Variants in SUGCT observed in about 807,000 individuals in gnomAD.
The protein encoded by SUGCT is succinyl-CoA:glutarate-CoA transferase.
Under a neutral mutation model 55.0 loss-of-function variants are expected in SUGCT, and 41 were observed. That is an observed-to-expected ratio of 0.74 (90% confidence interval 0.58 to 0.97). The LOEUF (loss-of-function observed/expected upper bound fraction) is 0.97. SUGCT is among the 50% of genes least tolerant of loss of function. The probability of loss-of-function intolerance (pLI) is 0.00; values close to 1 mark genes in which losing one functional copy is unlikely to be tolerated. For missense variants in SUGCT, 568 were observed against 547.8 expected (o/e 1.04, Z -0.37); for synonymous variants, 187 against 200.4 (o/e 0.93, Z 0.56).
intron 9 of SUGCT, among the ~76,000 whole-genome samples, chr7:40,369,785 C>T (rs1256568823): frequency 1.3e-5 from 2 of 152,094 alleles, no homozygotes; most frequent in African/African-American, 2.4e-5. Flanking sequence ...GGAGTCCAAG[C>T]AAAGTTTATT....
intron 9 of SUGCT, among the ~76,000 whole-genome samples, chr7:40,421,128 C>A (rs1164735938): frequency 2.0e-5 from 3 of 152,186 alleles, no homozygotes; most frequent in Non-Finnish European, 2.9e-5. Context: ...TCTGCAAAGT[C>A]TACCTTGTCA....
At chr7:40,369,904 G>C (rs1191191108) in intron 9 of SUGCT, among the ~76,000 whole-genome samples, 1 of 152,178 alleles carries the variant, frequency 6.6e-6, no homozygotes, top group Non-Finnish European at 1.5e-5. Context: ...GCTCTGGCAA[G>C]ATTAGTGAGG....
intron 12 of SUGCT, among the ~76,000 whole-genome samples, chr7:40,604,598 T>A (rs907343655): frequency 6.6e-6 from 1 of 152,120 alleles, no homozygotes; most frequent in East Asian, 1.9e-4. Flanking sequence ...GAGTAGAGAG[T>A]CATTTTCATT....
intron 13 of SUGCT, among the ~76,000 whole-genome samples, chr7:40,851,598 C>T (rs1002845432): frequency 1.6e-4 from 25 of 152,182 alleles, no homozygotes; most frequent in African/African-American, 4.6e-4. Flanking sequence ...CATTATCCTA[C>T]ACCGCTCTAG....
intron 13 of SUGCT, among the ~76,000 whole-genome samples, chr7:40,767,112 G>T (rs150783237): frequency 5.5e-4 from 83 of 152,166 alleles, no homozygotes; most frequent in African/African-American, 1.9e-3. Flanking sequence ...TAAGACTTTT[G>T]AATCTATCTT....
chr7:40,551,096 C>T (rs1261917777), intron 12 of SUGCT, among the ~76,000 whole-genome samples: 1 of 152,138 alleles, frequency 6.6e-6, no homozygotes, highest in Admixed American at 6.5e-5. Flanking sequence ...TTCTCAGGCC[C>T]TCTGTATTCA....
chr7:40,183,063 G>A (rs1189404770), intron 3 of SUGCT, among the ~76,000 whole-genome samples: 3 of 152,062 alleles, frequency 2.0e-5, no homozygotes, highest in African/African-American at 7.2e-5. Flanking sequence ...ACCTGAATTC[G>A]GCAGTTCGAG....
At chr7:40,295,183 T>C (rs927714060) in intron 8 of SUGCT, among the ~76,000 whole-genome samples, 1 of 152,176 alleles carries the variant, frequency 6.6e-6, no homozygotes, top group South Asian at 2.1e-4. Context: ...ATGATACAAA[T>C]GTATAATTTA....
At chr7:40,492,215 A>G (rs1398613977) in intron 11 of SUGCT, among the ~76,000 whole-genome samples, 5 of 152,134 alleles carry the variant, frequency 3.3e-5, no homozygotes, top group Admixed American at 3.3e-4. Flanking sequence ...CTCGGGAGTG[A>G]TGGTGGATTG....
chr7:40,390,816 A>G (rs370505364), intron 9 of SUGCT, among the ~76,000 whole-genome samples: 3 of 152,196 alleles, frequency 2.0e-5, no homozygotes, highest in Admixed American at 2.0e-4. Context: ...AAAAGAGCCC[A>G]CATTGCCAAG....
chr7:40,259,279 G>A (rs4296945), intron 7 of SUGCT, among the ~76,000 whole-genome samples: 120,610 of 152,064 alleles, frequency 0.79, 48,139 homozygotes, highest in East Asian at 0.97. Context: ...TTGACCCTTG[G>A]ATAACATGAA....
chr7:40,410,766 G>C (rs572699296), intron 9 of SUGCT, among the ~76,000 whole-genome samples: 3 of 152,220 alleles, frequency 2.0e-5, no homozygotes, highest in African/African-American at 7.2e-5. Flanking sequence ...AAATTTGTCT[G>C]GATATAGAAT....
chr7:40,701,120 C>G (rs1032370978), intron 12 of SUGCT, among the ~76,000 whole-genome samples: 1 of 152,184 alleles, frequency 6.6e-6, no homozygotes, highest in Non-Finnish European at 1.5e-5. Context: ...GCTTCCTCCC[C>G]CTCCAGAGAT....
chr7:40,295,789 A>G (rs1158782280), intron 8 of SUGCT, among the ~76,000 whole-genome samples: 1 of 152,206 alleles, frequency 6.6e-6, no homozygotes, highest in African/African-American at 2.4e-5. Flanking sequence ...ATTTAGGTGC[A>G]TAGATAAATT....
At chr7:40,646,105 A>G (rs1396114199) in intron 12 of SUGCT, among the ~76,000 whole-genome samples, 1 of 152,148 alleles carries the variant, frequency 6.6e-6, no homozygotes, top group East Asian at 1.9e-4. Context: ...CCAGCCAGCC[A>G]TTTGCTCAAG....
chr7:40,654,275 A>G (rs957943184), intron 12 of SUGCT, among the ~76,000 whole-genome samples: 1 of 152,078 alleles, frequency 6.6e-6, no homozygotes, highest in African/African-American at 2.4e-5. Flanking sequence ...GGAAAAAAAA[A>G]GTTCATTTCT....
At chr7:40,228,602 C>G (rs1788531747) in intron 6 of SUGCT, among the ~76,000 whole-genome samples, 1 of 152,038 alleles carries the variant, frequency 6.6e-6, no homozygotes, top group Non-Finnish European at 1.5e-5. Flanking sequence ...GCATTACTTT[C>G]TCTGTGATGT....
At chr7:40,314,936 T>C (rs529656266) in intron 8 of SUGCT, among the ~76,000 whole-genome samples, 2 of 152,348 alleles carry the variant, frequency 1.3e-5, no homozygotes, top group Non-Finnish European at 2.9e-5. Flanking sequence ...ATTTGCCTTG[T>C]AAGCACGTTG....
At chr7:40,888,481 A>T in the SUGCT span, among the ~76,000 whole-genome samples, 2 of 152,002 alleles carry the variant, frequency 1.3e-5, no homozygotes, top group Non-Finnish European at 2.9e-5. Flanking sequence ...GTAGAGGTAG[A>T]GATAAACCCA....
Sources: allele counts gnomAD v4.1 joint callset (sites outside exome capture counted in the v4.1 genomes callset), GRCh38; gene constraint gnomAD v4.1.1; transcripts MANE v1.5; gene names NCBI Gene and HGNC (gene_info 2026-07-23, HGNC 2026-07-21).